Variants in AOPEP observed in about 807,000 individuals in gnomAD.
AOPEP encodes aminopeptidase O (putative), also known as aminopeptidase O.
AOPEP carries 77 observed loss-of-function variants against 98.1 expected under a neutral mutation model. The observed-to-expected ratio is 0.78, with a 90% CI of 0.65 to 0.95. The LOEUF is 0.95. Among genes scored for constraint, AOPEP ranks in the 40% least tolerant of loss-of-function variants. The pLI is 0.00. For synonymous variants in AOPEP, 346 were observed against 365.3 expected (o/e 0.95, Z 0.60); for missense variants, 1,024 against 1,024.7 (o/e 1.00, Z 0.01).
chr9:94,889,466 C>T (rs1052208967), intron 5 of AOPEP, among the ~76,000 whole-genome samples: 1 of 152,078 alleles, frequency 6.6e-6, no homozygotes, highest in African/African-American at 2.4e-5. Context: ...CTGTTATGAA[C>T]ATTCATGTGC....
chr9:94,959,217 G>T (rs1445486219), intron 9 of AOPEP, among the ~76,000 whole-genome samples: 1 of 151,880 alleles, frequency 6.6e-6, no homozygotes, highest in Admixed American at 6.6e-5. Flanking sequence ...CTAATTTTTT[G>T]TATTTTTAGT....
the AOPEP span, chr9:95,150,019 T>G: frequency 2.5e-6 from 4 of 1,613,934 alleles, no homozygotes; most frequent in Non-Finnish European, 2.5e-6. Context: ...CACCAGGGGG[T>G]CAACATCTGT....
the AOPEP span, among the ~76,000 whole-genome samples, chr9:95,138,973 T>C: frequency 3.9e-5 from 6 of 152,214 alleles, no homozygotes; most frequent in African/African-American, 1.2e-4. Flanking sequence ...GACCTGTGTT[T>C]AATATTTGGA....
intron 14 of AOPEP, among the ~76,000 whole-genome samples, chr9:95,062,744 A>G (rs1286728885): frequency 6.6e-6 from 1 of 152,188 alleles, no homozygotes; most frequent in Admixed American, 6.5e-5. Context: ...GCTGCTTGCC[A>G]AGGGCTTGAA....
Position 94,749,590 on chromosome 9 carries a change from G to T in AOPEP, c.-135-10059G>T, listed in dbSNP as rs530917567. ...TTCACGTTTTTCTGTTCTTTACACT[G>T]GATAATTTCTATGTAACTATTTTCT... On this transcript the variant is annotated intron_variant, in intron 1 of 16. Transcript: ENST00000375315. Among the ~76,000 whole-genome samples the T allele has an allele frequency of 2.0e-5, 3 of 152,104 alleles. No homozygotes were observed. In the South Asian group the frequency reaches 6.2e-4, roughly 32 times the overall value.
chr9:95,120,753 T>C, the AOPEP span, among the ~76,000 whole-genome samples: 2 of 152,242 alleles, frequency 1.3e-5, no homozygotes, highest in Non-Finnish European at 2.9e-5. Context: ...TTGTTCAATC[T>C]GACGTTTCTG....
At chr9:94,987,819 T>C (rs1349378928) in intron 11 of AOPEP, among the ~76,000 whole-genome samples, 1 of 152,178 alleles carries the variant, frequency 6.6e-6, no homozygotes, top group Admixed American at 6.5e-5. Flanking sequence ...GGGGAATGGT[T>C]AGTGGGGCAG....
intron 5 of AOPEP, among the ~76,000 whole-genome samples, chr9:94,818,722 C>G (rs992921269): frequency 2.0e-5 from 3 of 152,122 alleles, no homozygotes; most frequent in African/African-American, 7.2e-5. Context: ...AGGCCGGGCG[C>G]GGTGGCTCAC....
intron 10 of AOPEP, among the ~76,000 whole-genome samples, chr9:94,978,313 T>C (rs1362694295): frequency 1.3e-5 from 2 of 152,164 alleles, no homozygotes; most frequent in Non-Finnish European, 2.9e-5. Context: ...CTTGGAAGTA[T>C]CTTGGTGGAA....
At chr9:95,024,833 C>A (rs1329563474) in intron 13 of AOPEP, among the ~76,000 whole-genome samples, 3 of 152,220 alleles carry the variant, frequency 2.0e-5, no homozygotes, top group African/African-American at 7.2e-5. Flanking sequence ...CTATCGACTT[C>A]AGCTAAAAAT....
intron 14 of AOPEP, among the ~76,000 whole-genome samples, chr9:95,079,203 C>A (rs1564613057): frequency 6.6e-6 from 1 of 152,164 alleles, no homozygotes; most frequent in Non-Finnish European, 1.5e-5. Context: ...AGGATTCTTT[C>A]CAAAAGATTG....
intron 5 of AOPEP, among the ~76,000 whole-genome samples, chr9:94,854,011 A>G (rs2043881962): frequency 1.3e-5 from 2 of 152,222 alleles, no homozygotes; most frequent in Non-Finnish European, 2.9e-5. Context: ...TTTTTGTTCA[A>G]TGAAAACCCA....
At chr9:95,037,032 CTAGT>C (rs2064890613) in intron 13 of AOPEP, among the ~76,000 whole-genome samples, 2 of 152,154 alleles carry the variant, frequency 1.3e-5, no homozygotes, top group Admixed American at 1.3e-4. Context: ...ACCTAAGTTG[CTAGT>C]TAGTTGAACA....
chr9:94,959,193 G>A (rs959497285), intron 9 of AOPEP, among the ~76,000 whole-genome samples: 15 of 151,828 alleles, frequency 9.9e-5, no homozygotes, highest in Admixed American at 2.0e-4. Flanking sequence ...ACAGGTGCCC[G>A]CCACCACACC....
At position 95,037,884 on chromosome 9, in the gene AOPEP, G is replaced by A. The variant is rs1265674772; in HGVS notation, c.2116-22810G>A. On this transcript the variant is annotated intron_variant, in intron 13 of 16. Coordinates refer to ENST00000375315, the MANE Select transcript of AOPEP (RefSeq NM_001193329.3). ...TCCTAATTTACAGTGATCTTGACCG[G>A]CTTTCTGCCTTGAGACCCTGAGTGT... 2.6e-5 allele frequency among the ~76,000 whole-genome samples: 4 copies of A among 152,178 alleles called. No individual in the cohort carries two copies. The East Asian group carries it at 7.7e-4, about 29-fold the overall frequency.
chr9:95,127,480 G>A, the AOPEP span: 3 of 152,292 alleles, frequency 2.0e-5, no homozygotes, highest in Non-Finnish European at 4.4e-5. Flanking sequence ...CCCGATTCCA[G>A]GCATGCGCAG....
intron 5 of AOPEP, among the ~76,000 whole-genome samples, chr9:94,804,814 A>G (rs1008988654): frequency 6.6e-6 from 1 of 152,248 alleles, no homozygotes; most frequent in African/African-American, 2.4e-5. Context: ...TATGAAGAAA[A>G]TAAAATCAAG....
In AOPEP at chr9:94,773,102, G is replaced by A; in HGVS notation, c.898G>A (p.Ala300Thr). The part of the protein sequence containing the change: ...AMSTWQATVR[A>T]AASFVVLMSG... ...GTCAACATGGCAGGCTACAGTTCGA[G>A]CAGCTGCATCTTTTGTTGTTTTAAT... is the stretch of plus-strand genomic sequence containing the variant. Residue 300 changes from alanine (A) to threonine (T), a missense_variant, in exon 3 of 17, where the codon GCA (alanine) becomes ACA (threonine). This residue lies in a region of AOPEP where 440 missense variants were observed against 433.8 expected (regional missense o/e 1.01). Transcript: ENST00000375315. The A allele has an allele frequency of 6.2e-7, 1 of 1,614,136 alleles. No homozygotes were observed. The highest frequency in any genetic ancestry group is 8.5e-7 in the Non-Finnish European group (1 of 1,180,022).
intron 13 of AOPEP, among the ~76,000 whole-genome samples, chr9:95,039,736 CTTCATTCATTCA>C (rs35690560): frequency 1.7e-4 from 26 of 150,528 alleles, no homozygotes; most frequent in South Asian, 1.5e-3. Context: ...AGACATGTTT[CTTCATTCATTCA>C]TTCATTCATT....
Sources: allele counts gnomAD v4.1 joint callset (sites outside exome capture counted in the v4.1 genomes callset), GRCh38; gene constraint gnomAD v4.1.1; regional missense constraint gnomAD v4.1.1; transcripts MANE v1.5; gene names NCBI Gene and HGNC (gene_info 2026-07-23, HGNC 2026-07-21).